FOXP2: variants seen among roughly 807,000 people sequenced by gnomAD.
FOXP2 encodes forkhead box protein P2.
Under a neutral mutation model 115.8 loss-of-function variants are expected in FOXP2, and 12 were observed. The ratio of observed to expected loss-of-function variants is 0.10; its 90% confidence interval spans 0.07 to 0.17. FOXP2 has a LOEUF of 0.17. Ranked by LOEUF, FOXP2 falls within the 10% of genes least tolerant of loss-of-function variation. The probability of loss-of-function intolerance (pLI) is 1.00; values close to 1 mark genes in which losing one functional copy is unlikely to be tolerated. For synonymous variants in FOXP2, 328 were observed against 297.7 expected (o/e 1.10, Z -1.05); for missense variants, 629 against 843.5 (o/e 0.75, Z 3.15).
intron 1 of FOXP2, among the ~76,000 whole-genome samples, chr7:114,236,738 G>A (rs1795016037): frequency 6.6e-6 from 1 of 152,084 alleles, no homozygotes; most frequent in Non-Finnish European, 1.5e-5. Flanking sequence ...GCACTTCGAG[G>A]GGCTGAGGTG....
chr7:114,649,498 TAGAG>T (rs1199845118), intron 8 of FOXP2, among the ~76,000 whole-genome samples: 2 of 152,102 alleles, frequency 1.3e-5, no homozygotes, highest in East Asian at 3.9e-4. Flanking sequence ...TTATAAATCA[TAGAG>T]AATTTTTGAA....
At chr7:114,458,093 A>G (rs1795398249) in intron 2 of FOXP2, among the ~76,000 whole-genome samples, 1 of 152,162 alleles carries the variant, frequency 6.6e-6, no homozygotes. Context: ...ACAAAACTCA[A>G]GATCATCTTT....
At chr7:114,275,764 A>G (rs958485677) in intron 1 of FOXP2, among the ~76,000 whole-genome samples, 1 of 152,192 alleles carries the variant, frequency 6.6e-6, no homozygotes. Context: ...ATAGCTGGAC[A>G]TGATGTACTT....
Position 114,180,648 on chromosome 7 carries a change from AC to A in FOXP2, c.-102+17561del, listed in dbSNP as rs572718696. On this transcript the variant is annotated intron_variant, in intron 1 of 17. Coordinates refer to the FOXP2 transcript ENST00000634411. ...ATGATATGTTCTGTCTTAGTGAATAACAGGCATGATTATACACTCAGTTGCC... is the reference window on the plus strand; with the variant it reads ...ATGATATGTTCTGTCTTAGTGAATAAAGGCATGATTATACACTCAGTTGCC... Among the ~76,000 whole-genome samples, 21 of 152,128 alleles carry A rather than the reference AC, an allele frequency of 1.4e-4. No homozygotes were observed. The East Asian group carries it at 3.3e-3, about 24-fold the overall frequency.
chr7:114,161,161 T>C (rs1002381959), upstream of FOXP2, among the ~76,000 whole-genome samples: 10 of 152,326 alleles, frequency 6.6e-5, no homozygotes, highest in Non-Finnish European at 1.5e-4. Flanking sequence ...TATATTCATC[T>C]AGAAAGTGCC....
intron 16 of FOXP2, among the ~76,000 whole-genome samples, chr7:114,683,002 A>G (rs1808176429): frequency 6.6e-6 from 1 of 152,176 alleles, no homozygotes; most frequent in South Asian, 2.1e-4. Context: ...AGATCTTTTA[A>G]AAATTGAGCA....
At chr7:114,525,249 A>G (rs1415751345) in intron 2 of FOXP2, among the ~76,000 whole-genome samples, 1 of 152,200 alleles carries the variant, frequency 6.6e-6, no homozygotes, top group East Asian at 1.9e-4. Context: ...TCACTGGAGG[A>G]ACCCGAATTC....
chr7:114,198,547 A>G (rs1444587032), intron 1 of FOXP2, among the ~76,000 whole-genome samples: 2 of 152,166 alleles, frequency 1.3e-5, no homozygotes, highest in African/African-American at 4.8e-5. Flanking sequence ...AGCAGTTCAC[A>G]ATAGGGCTCG....
chr7:114,415,255 T>G lies in FOXP2; in HGVS notation c.-116T>G. The G allele has an allele frequency of 2.2e-6, 1 of 453,960 alleles. No homozygotes were observed. The highest frequency in any genetic ancestry group is 7.0e-5 in the East Asian group (1 of 14,370). 28.1% of individuals were successfully genotyped at this position (453,960 alleles called of 1,614,324 possible). The stretch of plus-strand genomic sequence containing the variant: ...GCTTCTGAGTTTTCCCTTCTTTTTA[T>G]ACTGTTTTCTGTGCTGGCTTTTTTG... On this transcript the variant is annotated 5_prime_UTR_variant, in exon 1 of 17. Transcript: ENST00000350908.
intron 1 of FOXP2, among the ~76,000 whole-genome samples, chr7:114,282,226 G>A (rs1562852411): frequency 1.3e-5 from 2 of 152,278 alleles, no homozygotes; most frequent in East Asian, 3.9e-4. Flanking sequence ...ATCATATGCA[G>A]TCTTCACTAC....
At chr7:114,567,393 T>A (rs1323286575) in intron 3 of FOXP2, among the ~76,000 whole-genome samples, 1 of 152,108 alleles carries the variant, frequency 6.6e-6, no homozygotes, top group Non-Finnish European at 1.5e-5. Context: ...CACACCACTA[T>A]TAAGTGTAAG....
intron 16 of FOXP2, among the ~76,000 whole-genome samples, chr7:114,686,126 A>G (rs1038357464): frequency 2.0e-5 from 3 of 152,142 alleles, no homozygotes; most frequent in Non-Finnish European, 4.4e-5. Context: ...TTTACAAATA[A>G]TAAGTTTTTT....
chr7:114,175,968 G>A (rs578053399), intron 1 of FOXP2, among the ~76,000 whole-genome samples: 1 of 152,172 alleles, frequency 6.6e-6, no homozygotes, highest in African/African-American at 2.4e-5. Flanking sequence ...AATAGTAAAT[G>A]TTGTGTCTTC....
At chr7:114,570,772 A>C (rs763281353) in intron 3 of FOXP2, 2 of 1,559,640 alleles carry the variant, frequency 1.3e-6, no homozygotes, top group African/African-American at 1.4e-5. Context: ...AGATTGAAAA[A>C]AAAGCCAACT....
At chr7:114,248,816 C>T (rs892379363) in intron 1 of FOXP2, among the ~76,000 whole-genome samples, 1 of 152,112 alleles carries the variant, frequency 6.6e-6, no homozygotes, top group African/African-American at 2.4e-5. Context: ...TTTTTATCCT[C>T]ACAACAGCCA....
At chr7:114,321,098 T>C (rs1056023326) in intron 2 of FOXP2, among the ~76,000 whole-genome samples, 2 of 152,178 alleles carry the variant, frequency 1.3e-5, no homozygotes, top group African/African-American at 4.8e-5. Context: ...CTCCTTCCCC[T>C]TCCCTCAGAA....
In FOXP2 at chr7:114,629,879, GCAGCAGCAGCAACAA is replaced by G. The variant is rs1804792994; in HGVS notation, c.480_494del (p.Gln187_Gln191del). ...AGCTTTTGCAGCAGCAGCAGCAACA[GCAGCAGCAGCAACAA>G]CAGCAGCAACAACAGCAGCAGCAAC... On this transcript the variant is annotated inframe_deletion, in exon 5 of 17. Coordinates refer to ENST00000350908, the MANE Select transcript of FOXP2 (RefSeq NM_014491.4). 6.2e-7 allele frequency: 1 copy of G among 1,609,998 alleles called. No individual in the cohort carries two copies.
intron 2 of FOXP2, among the ~76,000 whole-genome samples, chr7:114,392,059 A>G (rs1396737064): frequency 3.9e-5 from 6 of 152,202 alleles, no homozygotes; most frequent in African/African-American, 1.4e-4. Context: ...CAGAATGAGA[A>G]TGTCATAATT....
At chr7:114,516,251 T>C (rs958869622) in intron 2 of FOXP2, among the ~76,000 whole-genome samples, 2 of 152,006 alleles carry the variant, frequency 1.3e-5, no homozygotes, top group Non-Finnish European at 2.9e-5. Context: ...TCAGAAATAA[T>C]GCCGCATATC....
Sources: gnomAD v4.1 joint callset for allele counts (sites outside exome capture counted in the v4.1 genomes callset) on GRCh38, gnomAD v4.1.1 for gene constraint, MANE v1.5 for transcripts, NCBI Gene and HGNC (gene_info 2026-07-23, HGNC 2026-07-21) for gene names.